The following POGZ variants were observed in gnomAD, a reference collection of about 807,000 sequenced individuals.
POGZ encodes pogo transposable element derived with ZNF domain.
A neutral mutation model predicts 134.6 loss-of-function variants in POGZ; 17 were observed. That is an observed-to-expected ratio of 0.13 (90% confidence interval 0.09 to 0.19). POGZ has a LOEUF of 0.19. Among genes scored for constraint, POGZ ranks in the 10% least tolerant of loss-of-function variants. POGZ has a pLI of 1.00. For synonymous variants in POGZ, 693 were observed against 657.1 expected (o/e 1.05, Z -0.84); for missense variants, 1,306 against 1,769.7 (o/e 0.74, Z 4.70).
intron 3 of POGZ, among the ~76,000 whole-genome samples, chr1:151,436,677 A>C (rs1338625528): frequency 6.6e-6 from 1 of 152,226 alleles, no homozygotes; most frequent in East Asian, 1.9e-4. Context: ...AGAATGTATC[A>C]GTATTTCATT....
At chr1:151,412,849 A>G (rs1571362293) in intron 10 of POGZ, among the ~76,000 whole-genome samples, 7 of 152,290 alleles carry the variant, frequency 4.6e-5, no homozygotes, top group South Asian at 2.1e-4. Context: ...GTACTAGCCC[A>G]TATGATTTCC....
intron 1 of POGZ, among the ~76,000 whole-genome samples, chr1:151,457,602 T>C (rs1426030080): frequency 6.6e-6 from 1 of 152,148 alleles, no homozygotes; most frequent in East Asian, 1.9e-4. Context: ...CCCCTCCGTT[T>C]CCCTTTCCTC....
rs1658061644 is a variant in POGZ at position 151,428,025 on chromosome 1, A to C, written c.876T>G (p.Ser292=). 6.2e-7 allele frequency: 1 copy of C among 1,614,164 alleles called. No individual in the cohort carries two copies. Among genetic ancestry groups the C allele is most frequent in the Non-Finnish European group, 8.5e-7 (1 of 1,180,024 alleles). Residue 292 remains serine, a synonymous_variant, in exon 7 of 19, where the codon TCT becomes TCG. Transcript: ENST00000271715. ...AGCTGGCAATGCTCACTGCAGGTGG[A>C]GAGGGGAAGGAGGGAGCTACGGTGA... is the stretch of plus-strand genomic sequence containing the variant. ...TNPKLAPSFP[S]PPAVSIASFV...
chr1:151,455,758 A>C (rs758928747), intron 1 of POGZ, among the ~76,000 whole-genome samples: 1 of 152,232 alleles, frequency 6.6e-6, no homozygotes, highest in Non-Finnish European at 1.5e-5. Flanking sequence ...TTACTTCTGC[A>C]TTCAGTCTGT....
chr1:151,408,671 A>G (rs1654103257), intron 13 of POGZ, 23 bp downstream of exon 13: 2 of 1,610,904 alleles, frequency 1.2e-6, no homozygotes, highest in African/African-American at 1.3e-5. Context: ...TGGGCCTATA[A>G]AAGACACTGG....
intron 1 of POGZ, among the ~76,000 whole-genome samples, chr1:151,458,471 G>C (rs188905186): frequency 6.6e-6 from 1 of 152,034 alleles, no homozygotes; most frequent in Non-Finnish European, 1.5e-5. Flanking sequence ...ACCAAGCAGA[G>C]ATTACATAAC....
intron 3 of POGZ, among the ~76,000 whole-genome samples, chr1:151,437,683 C>A (rs537135231): frequency 6.6e-6 from 1 of 152,042 alleles, no homozygotes; most frequent in Non-Finnish European, 1.5e-5. Context: ...ACCAGGGAGA[C>A]AGAGGTTGCA....
chr1:151,403,573 A>G lies in POGZ; in HGVS notation c.*1229T>C. The G allele has an allele frequency of 1.0e-6, 1 of 985,738 alleles. No homozygotes were observed. The highest frequency in any genetic ancestry group is 4.7e-5 in the South Asian group (1 of 21,290). 61.1% of individuals were successfully genotyped at this position (985,738 alleles called of 1,614,324 possible). ...GTACATACAATTAAAAAAATCCCTC[A>G]TGCAAATTGTAGAAAAAATTTTCTT... is the stretch of plus-strand genomic sequence containing the variant. On this transcript the variant is annotated 3_prime_UTR_variant, in exon 19 of 19. Transcript: ENST00000271715.
Position 151,423,527 on chromosome 1 carries a change from G to A in POGZ, c.1548C>T (p.His516=), listed in dbSNP as rs780830514. ...NIRFMNHMKH[H]VELDQQNGEV... ...CACCGTTCTGCTGATCGAGTTCTAC[G>A]TGGTGTTTCATATGGTTCATGAATC... Residue 516 remains histidine, a synonymous_variant, in exon 10 of 19, where the codon CAC becomes CAT. Transcript: ENST00000271715. 46 of 1,613,584 alleles carry A rather than the reference G, an allele frequency of 2.9e-5. No homozygotes were observed. The Admixed American group carries it at 7.0e-4, about 25-fold the overall frequency.
intron 5 of POGZ, among the ~76,000 whole-genome samples, chr1:151,428,889 G>A (rs1377147617): frequency 1.3e-5 from 2 of 152,162 alleles, no homozygotes; most frequent in East Asian, 3.9e-4. Context: ...TGGCTCAACT[G>A]TAGACAATTC....
Position 151,428,036 on chromosome 1 carries a change from A to G in POGZ, c.865T>C (p.Ser289Pro). The G allele has an allele frequency of 6.2e-7, 1 of 1,614,176 alleles. No individual in the cohort carries two copies. Among genetic ancestry groups the G allele is most frequent in the Non-Finnish European group, 8.5e-7 (1 of 1,179,996 alleles). The change falls in exon 7 of 19, where the codon TCC (serine) becomes CCC (proline). Residue 289 changes from serine (S) to proline (P), a missense_variant. Physicochemically the swap from Ser to Pro is moderately conservative, Grantham distance 74 (BLOSUM62 -1). This residue lies in a region of POGZ where 541 missense variants were observed against 680.5 expected (regional missense o/e 0.80). Transcript: ENST00000271715. ...CTCACTGCAGGTGGAGAGGGGAAGG[A>G]GGGAGCTACGGTGACCAAGTGATAA... ...NQTTNPKLAP[S>P]FPSPPAVSIA...
chr1:151,404,749 C>A lies in POGZ; in HGVS notation c.*53G>T. 5 of 1,513,918 alleles carry A rather than the reference C, an allele frequency of 3.3e-6. No homozygotes were observed. The highest frequency in any genetic ancestry group is 2.7e-5 in the South Asian group (2 of 74,434). The allele number at this position is 1,513,918 out of a possible 1,614,324, so 93.8% of individuals were successfully genotyped here. On this transcript the variant is annotated 3_prime_UTR_variant, in exon 19 of 19. Transcript: ENST00000271715. ...GCCCCCTTTTCCCTAAGCCCCTTTA[C>A]CCTCCCTCACATGTTCCCACCCTCA...
At chr1:151,445,906 T>C (rs1259627037) in intron 1 of POGZ, among the ~76,000 whole-genome samples, 1 of 152,126 alleles carries the variant, frequency 6.6e-6, no homozygotes, top group Non-Finnish European at 1.5e-5. Flanking sequence ...TTTAGATCCT[T>C]CTTGTAGTTT....
chr1:151,427,806 C>T lies in POGZ; in HGVS notation c.1078+17G>A, dbSNP rs754106243. The stretch of plus-strand genomic sequence containing the variant: ...TTTTGAATGACTGGCTGCTCAGAGT[C>T]TTTCAGGTTATTGTACCTTTCATTG... On this transcript the variant is annotated intron_variant, in intron 7 of 18. Coordinates refer to ENST00000271715, the MANE Select transcript of POGZ (RefSeq NM_015100.4). 1.9e-6 allele frequency: 3 copies of T among 1,544,416 alleles called. No individual in the cohort carries two copies. Among genetic ancestry groups the T allele is most frequent in the Non-Finnish European group, 2.7e-6 (3 of 1,117,080 alleles).
rs982876300 is a variant in POGZ, at chr1:151,403,629, T to C, written c.*1173A>G. On this transcript the variant is annotated 3_prime_UTR_variant, in exon 19 of 19. Coordinates refer to ENST00000271715, the MANE Select transcript of POGZ (RefSeq NM_015100.4). ...GAAGCTGGCAGTGAAAAATAAAGAT[T>C]CATGTCATTTTCTTTGTGCACACCC... 2.0e-6 allele frequency: 2 copies of C among 985,688 alleles called. No individual in the cohort carries two copies. Among genetic ancestry groups the C allele is most frequent in the African/African-American group, 1.7e-5 (1 of 57,248 alleles). 61.1% of individuals were successfully genotyped at this position (985,688 alleles called of 1,614,324 possible). A position where few individuals can be genotyped will look rare whatever the true frequency, so the allele number is the denominator to read the frequency against.
At chr1:151,450,023 ATTTTTTTTTTTTT>A (rs1171783071) in intron 1 of POGZ, among the ~76,000 whole-genome samples, 4 of 74,306 alleles carry the variant, frequency 5.4e-5, no homozygotes, top group Admixed American at 2.1e-4. Flanking sequence ...GTGAAACTTG[ATTTTTTTTTTTTT>A]TTTTTTTTTT....
At chr1:151,457,809 C>T (rs905837624) in intron 1 of POGZ, among the ~76,000 whole-genome samples, 6 of 152,152 alleles carry the variant, frequency 3.9e-5, no homozygotes, top group African/African-American at 1.2e-4. Flanking sequence ...TGCCTGTAAT[C>T]CCAGCTACTA....
In POGZ at chr1:151,403,101, G is replaced by A. The variant is rs897730046; in HGVS notation, c.*1701C>T. On this transcript the variant is annotated 3_prime_UTR_variant, in exon 19 of 19. Coordinates refer to ENST00000271715, the MANE Select transcript of POGZ (RefSeq NM_015100.4). ...AAAGCTGGGGAAGAGAAGCCCAGAT[G>A]GATCCTTGGTTGTTTTCAGATGTCA... 6.4e-6 allele frequency: 3 copies of A among 466,862 alleles called. No homozygotes were observed. Among genetic ancestry groups the A allele is most frequent in the African/African-American group, 6.4e-5 (3 of 47,094 alleles). 28.9% of individuals were successfully genotyped at this position (466,862 alleles called of 1,614,324 possible). A position where few individuals can be genotyped will look rare whatever the true frequency, so the allele number is the denominator to read the frequency against.
intron 1 of POGZ, among the ~76,000 whole-genome samples, chr1:151,443,406 A>T (rs1485165644): frequency 1.3e-5 from 2 of 152,172 alleles, no homozygotes; most frequent in Non-Finnish European, 2.9e-5. Context: ...CCCTTTAAAA[A>T]ATTAAAGTCT....
Sources: gnomAD v4.1 joint callset for allele counts (sites outside exome capture counted in the v4.1 genomes callset) on GRCh38, gnomAD v4.1.1 for gene constraint, gnomAD v4.1.1 regional missense constraint, MANE v1.5 for transcripts, NCBI Gene and HGNC (gene_info 2026-07-23, HGNC 2026-07-21) for gene names.